The following HEATR4 variants were observed in gnomAD, a reference collection of about 807,000 sequenced individuals.
The protein encoded by HEATR4 is HEAT repeat containing 4, also known as HEAT repeat-containing protein 4.
In HEATR4, 95 loss-of-function variants were observed where a neutral mutation model predicts 108.8. The ratio of observed to expected loss-of-function variants is 0.87; its 90% CI spans 0.74 to 1.04. The LOEUF (loss-of-function observed/expected upper bound fraction) is 1.04, where lower values mean the gene tolerates loss of function less well. Ranked by LOEUF, HEATR4 falls within the 50% of genes least tolerant of loss-of-function variation. The probability of loss-of-function intolerance (pLI) is 0.00; values close to 1 mark genes in which losing one functional copy is unlikely to be tolerated. For synonymous variants in HEATR4, 443 were observed against 459.4 expected (o/e 0.96, Z 0.46); for missense variants, 1,152 against 1,253.8 (o/e 0.92, Z 1.23).
chr14:73,483,795 GAATA>G (rs948063000), intron 17 of HEATR4, among the ~76,000 whole-genome samples: 24 of 152,116 alleles, frequency 1.6e-4, no homozygotes, highest in African/African-American at 5.8e-4. Context: ...TGTAAAGCTG[GAATA>G]CTTACATGTT....
the HEATR4 span, among the ~76,000 whole-genome samples, chr14:73,607,937 T>C: frequency 2.2e-4 from 33 of 151,618 alleles, no homozygotes; most frequent in African/African-American, 7.5e-4. Flanking sequence ...TTTTCTTTTT[T>C]CTTTTGAGAT....
the HEATR4 span, among the ~76,000 whole-genome samples, chr14:73,576,085 G>GGAGGTTGCAGTGAGAA: frequency 1.3e-5 from 2 of 151,798 alleles, no homozygotes; most frequent in Non-Finnish European, 2.9e-5. Flanking sequence ...CCTGGGAGGC[G>GGAGGTTGCAGTGAGAA]GAGGTTGCAG....
At chr14:73,607,503 T>C in the HEATR4 span, among the ~76,000 whole-genome samples, 8 of 152,160 alleles carry the variant, frequency 5.3e-5, no homozygotes, top group African/African-American at 1.4e-4. Flanking sequence ...TGAAGGTCTG[T>C]GACATGCCCT....
upstream of HEATR4, among the ~76,000 whole-genome samples, chr14:73,560,661 C>CAA (rs11448429): frequency 0.023 from 2,769 of 120,696 alleles, 51 homozygotes; most frequent in Middle Eastern, 0.037. Flanking sequence ...GACTCCATCT[C>CAA]AAAAAAAAAA....
At chr14:73,555,095 A>G (rs1889376097) in intron 1 of HEATR4, among the ~76,000 whole-genome samples, 1 of 114,118 alleles carries the variant, frequency 8.8e-6, no homozygotes, top group African/African-American at 2.8e-5. Flanking sequence ...ATTTATTTAA[A>G]GAAATAGTAA....
the HEATR4 span, chr14:73,617,113 A>G: frequency 6.2e-7 from 1 of 1,605,682 alleles, no homozygotes; most frequent in Non-Finnish European, 8.5e-7. Context: ...TTCAGATTTG[A>G]AGACCTCCCC....
the HEATR4 span, among the ~76,000 whole-genome samples, chr14:73,624,005 G>T: frequency 6.6e-6 from 1 of 151,858 alleles, no homozygotes; most frequent in East Asian, 1.9e-4. Flanking sequence ...ACCTCTTTTT[G>T]GCCAGGGCCA....
At position 73,492,996 on chromosome 14, in the gene HEATR4, TA is replaced by T; in HGVS notation, c.2844+69del. ...AGTAGTGATTCTCCGCTGCCACTGC[TA>T]CCTTTTTTTTTTTTTTTTCCTTAAA... On this transcript the variant is annotated intron_variant, in intron 17 of 17. Transcript: ENST00000553558. This position sits in a 1 kb window ranked among gnomAD's most constrained non-coding sequence, Gnocchi z 4.9. 6.7e-7 allele frequency: 1 copy of T among 1,492,004 alleles called. No individual in the cohort carries two copies. Among genetic ancestry groups the T allele is most frequent in the Non-Finnish European group, 8.9e-7 (1 of 1,126,266 alleles). The allele number at this position is 1,492,004 out of a possible 1,614,324, so 92.4% of individuals were successfully genotyped here. A position where few individuals can be genotyped will look rare whatever the true frequency, so the allele number is the denominator to read the frequency against.
chr14:73,592,317 C>T, the HEATR4 span: 1 of 1,609,932 alleles, frequency 6.2e-7, no homozygotes, highest in Non-Finnish European at 8.5e-7. Context: ...TGGACGGCTG[C>T]TGTGCCAGGC....
At chr14:73,611,653 G>C in the HEATR4 span, 1 of 152,168 alleles carries the variant, frequency 6.6e-6, no homozygotes, top group African/African-American at 2.4e-5. Flanking sequence ...TGTCAGTGTA[G>C]TGTTTTTACA....
Position 73,512,142 on chromosome 14 carries a change from C to T in HEATR4, c.1422G>A (p.Glu474=). ...GGTTCTCTACTGTCTCATGGTGCCA[C>T]TCTATGACTGAGCCGCAGTGAGGGA... ...EWKTAWALII[E]WHHETVENLL... Residue 474 remains glutamate (E), a synonymous_variant, in exon 7 of 18, where the codon GAG becomes GAA. Coordinates refer to ENST00000553558, the MANE Select transcript of HEATR4 (RefSeq NM_001220484.1). The T allele has an allele frequency of 4.3e-6, 7 of 1,614,160 alleles. No homozygotes were observed. Among genetic ancestry groups the T allele is most frequent in the Non-Finnish European group, 5.9e-6 (7 of 1,180,016 alleles).
chr14:73,541,669 G>C, intron 1 of HEATR4: 1 of 1,242,856 alleles, frequency 8.0e-7, no homozygotes, highest in South Asian at 1.4e-5. Context: ...TGAAGAAGCT[G>C]TGAACTACTT....
At chr14:73,481,616 C>T (rs552295353) in intron 17 of HEATR4, among the ~76,000 whole-genome samples, 4 of 151,588 alleles carry the variant, frequency 2.6e-5, no homozygotes, top group African/African-American at 9.7e-5. Context: ...CCGACGCGGG[C>T]GGATCACGAG....
At chr14:73,576,527 CG>C in the HEATR4 span, among the ~76,000 whole-genome samples, 1 of 151,478 alleles carries the variant, frequency 6.6e-6, no homozygotes, top group Non-Finnish European at 1.5e-5. Flanking sequence ...TTAGGCTTGG[CG>C]TTGGTGACTC....
chr14:73,526,801 C>T (rs1888367800), intron 2 of HEATR4, among the ~76,000 whole-genome samples: 1 of 152,202 alleles, frequency 6.6e-6, no homozygotes, highest in Non-Finnish European at 1.5e-5. Context: ...CTAAGCAGTT[C>T]TGGCCACAGG....
chr14:73,591,946 G>T, the HEATR4 span: 1 of 1,361,478 alleles, frequency 7.3e-7, no homozygotes, highest in South Asian at 1.9e-5. Context: ...TGAATTCCCC[G>T]CTCCGGCTCC....
the HEATR4 span, among the ~76,000 whole-genome samples, chr14:73,629,628 A>G: frequency 6.6e-6 from 1 of 151,384 alleles, no homozygotes; most frequent in Non-Finnish European, 1.5e-5. Context: ...TAGCTTCACA[A>G]CCCAAGGTGG....
the HEATR4 span, among the ~76,000 whole-genome samples, chr14:73,615,088 C>CAAA: frequency 1.4e-5 from 2 of 141,434 alleles, no homozygotes; most frequent in Non-Finnish European, 1.5e-5. Context: ...GACTCCATCT[C>CAAA]AAAAAAAAAA....
chr14:73,607,324 A>G, the HEATR4 span, among the ~76,000 whole-genome samples: 10,134 of 152,266 alleles, frequency 0.067, 752 homozygotes, highest in African/African-American at 0.19. Context: ...AAATAAAAAA[A>G]GAAAGAAATG....
Sources: gnomAD v4.1 joint callset for allele counts (sites outside exome capture counted in the v4.1 genomes callset) on GRCh38, gnomAD v4.1.1 for gene constraint, Gnocchi (gnomAD v3.1) non-coding constraint, MANE v1.5 for transcripts, NCBI Gene and HGNC (gene_info 2026-07-23, HGNC 2026-07-21) for gene names.